The following PIEZO2 variants were observed in gnomAD, a reference collection of about 807,000 sequenced individuals.
PIEZO2 encodes the protein piezo type mechanosensitive ion channel component 2, also known as piezo-type mechanosensitive ion channel component 2.
A neutral mutation model predicts 337.3 loss-of-function variants in PIEZO2; 172 were observed. The ratio of observed to expected loss-of-function variants is 0.51; its 90% CI spans 0.45 to 0.58. PIEZO2 has a LOEUF of 0.58. PIEZO2 is among the 20% of genes least tolerant of loss of function. The pLI is 0.00. For synonymous variants in PIEZO2, 1,251 were observed against 1,228.5 expected (o/e 1.02, Z -0.38); for missense variants, 3,028 against 3,391.3 (o/e 0.89, Z 2.66).
intron 2 of PIEZO2, among the ~76,000 whole-genome samples, chr18:11,034,221 C>A (rs1487948230): frequency 2.0e-5 from 3 of 152,020 alleles, no homozygotes; most frequent in African/African-American, 7.2e-5. Flanking sequence ...ACAGAAGCAA[C>A]GTTATTTTCT....
chr18:11,066,894 C>G (rs145400063), intron 1 of PIEZO2, among the ~76,000 whole-genome samples: 288 of 152,366 alleles, frequency 1.9e-3, no homozygotes, highest in African/African-American at 6.3e-3. Flanking sequence ...GCCACCGCAT[C>G]TGGCCTAGTG....
At chr18:10,918,135 A>G (rs993222794) in intron 3 of PIEZO2, among the ~76,000 whole-genome samples, 1 of 152,154 alleles carries the variant, frequency 6.6e-6, no homozygotes, top group African/African-American at 2.4e-5. Context: ...AAGGAATACA[A>G]TTTTCTCAGC....
intron 7 of PIEZO2, among the ~76,000 whole-genome samples, chr18:10,844,539 A>G (rs1728028): frequency 0.32 from 48,414 of 151,956 alleles, 8,368 homozygotes; most frequent in East Asian, 0.65. Flanking sequence ...CTGTAATGCC[A>G]GCACTTTGGG....
At position 11,094,559 on chromosome 18, in the gene PIEZO2, G is replaced by A. The variant is rs1180076219; in HGVS notation, c.65-28337C>T. Among the ~76,000 whole-genome samples the A allele has an allele frequency of 1.3e-5, 2 of 152,154 alleles. No homozygotes were observed. Among genetic ancestry groups the A allele is most frequent in the South Asian group, 2.1e-4 (1 of 4,830 alleles). On this transcript the variant is annotated intron_variant, in intron 1 of 55. Transcript: ENST00000674853. The surrounding 1 kb of genome is among the most constrained non-coding windows in gnomAD (Gnocchi z 4.4). ...CAAAAGCAGTCGCTAATTAATAAGT[G>A]CAGGCACTCAGAAGCCTCGCTGTCC...
intron 1 of PIEZO2, among the ~76,000 whole-genome samples, chr18:11,108,370 CT>C (rs1454971668): frequency 1.3e-5 from 2 of 152,110 alleles, no homozygotes; most frequent in African/African-American, 4.8e-5. Flanking sequence ...AATCCCAGCA[CT>C]TTGGGAGGCC....
intron 33 of PIEZO2, chr18:10,738,839 C>T (rs1351260538): frequency 1.3e-5 from 2 of 152,186 alleles, no homozygotes; most frequent in African/African-American, 2.4e-5. Context: ...TGGAAGGTAT[C>T]ATTGAACAGC....
At chr18:10,792,657 A>G (rs2039444087) in intron 13 of PIEZO2, among the ~76,000 whole-genome samples, 1 of 152,192 alleles carries the variant, frequency 6.6e-6, no homozygotes, top group African/African-American at 2.4e-5. Flanking sequence ...GCCATGCAAC[A>G]TTTTATCCTT....
chr18:10,857,959 A>C (rs1455152797), intron 5 of PIEZO2, among the ~76,000 whole-genome samples: 1 of 151,008 alleles, frequency 6.6e-6, no homozygotes, highest in Non-Finnish European at 1.5e-5. Flanking sequence ...TAATTAGAAT[A>C]TTTCCCTAGA....
In PIEZO2 at chr18:11,001,582, A is replaced by G. The variant is rs1272975785; in HGVS notation, c.161-21922T>C. Among the ~76,000 whole-genome samples, 1 of 152,110 alleles carries G rather than the reference A, an allele frequency of 6.6e-6. No individual in the cohort carries two copies. Among genetic ancestry groups the G allele is most frequent in the African/African-American group, 2.4e-5 (1 of 41,424 alleles). ...ATCAGAAGTAAGGATTTGCTCTTCT[A>G]AAATCTTTTGTCAAGCAGGGTGTGG... On this transcript the variant is annotated intron_variant, in intron 2 of 55. Transcript: ENST00000674853. This position sits in a 1 kb window ranked among gnomAD's most constrained non-coding sequence, Gnocchi z 5.3.
intron 7 of PIEZO2, among the ~76,000 whole-genome samples, chr18:10,809,244 TTCTC>T (rs1218804166): frequency 8.5e-4 from 102 of 120,128 alleles, no homozygotes; most frequent in Admixed American, 4.5e-3. Context: ...AACCTAAGAT[TTCTC>T]TCTCTCTCTC....
rs1212627889 is a variant in PIEZO2 at position 10,973,107 on chromosome 18, T to A, written c.286+6428A>T. Among the ~76,000 whole-genome samples the A allele has an allele frequency of 6.6e-6, 1 of 152,228 alleles. No individual in the cohort carries two copies. The highest frequency in any genetic ancestry group is 2.4e-5 in the African/African-American group (1 of 41,456). On this transcript the variant is annotated intron_variant, in intron 3 of 55. Transcript: ENST00000674853. This position sits in a 1 kb window ranked among gnomAD's most constrained non-coding sequence, Gnocchi z 4.9. ...AAATATTTGTCAGGATAAAATGAGA[T>A]ATTCTATTTGAAAACTGCTGCATAA...
chr18:10,917,327 T>C, intron 3 of PIEZO2, among the ~76,000 whole-genome samples: 1 of 152,294 alleles, frequency 6.6e-6, no homozygotes, highest in Non-Finnish European at 1.5e-5. Flanking sequence ...CCCTTCAGTC[T>C]TTCTCCTCCC....
intron 1 of PIEZO2, among the ~76,000 whole-genome samples, chr18:11,100,248 C>T (rs192239847): frequency 6.6e-6 from 1 of 152,308 alleles, no homozygotes; most frequent in Admixed American, 6.5e-5. Flanking sequence ...TAAATACATC[C>T]ATTGCCTTGA....
rs945559232 is a variant in PIEZO2, at chr18:11,131,451, G to A, written c.64+17074C>T. 6.6e-6 allele frequency among the ~76,000 whole-genome samples: 1 copy of A among 152,140 alleles called. No individual in the cohort carries two copies. The highest frequency in any genetic ancestry group is 2.4e-5 in the African/African-American group (1 of 41,434). On this transcript the variant is annotated intron_variant, in intron 1 of 55. Coordinates refer to ENST00000674853, the MANE Select transcript of PIEZO2 (RefSeq NM_001378183.1). This position sits in a 1 kb window ranked among gnomAD's most constrained non-coding sequence, Gnocchi z 5.3. The stretch of plus-strand genomic sequence containing the variant: ...CAGAGGCAGAGAAGACTAGGGCCTG[G>A]TTCACAGATAGTTCTGCACGATATG...
At chr18:10,871,466 T>C (rs954629293) in intron 4 of PIEZO2, 51 bp from the exon 5 acceptor site, 20 of 1,486,146 alleles carry the variant, frequency 1.3e-5, no homozygotes, top group Non-Finnish European at 1.7e-5. Flanking sequence ...CTTATATTTC[T>C]ACGGTTAAAC....
At chr18:11,005,533 A>G (rs1356381694) in intron 2 of PIEZO2, among the ~76,000 whole-genome samples, 1 of 152,212 alleles carries the variant, frequency 6.6e-6, no homozygotes, top group South Asian at 2.1e-4. Flanking sequence ...TGGGGGCGTC[A>G]TTACACACCT....
intron 10 of PIEZO2, among the ~76,000 whole-genome samples, chr18:10,800,997 G>C (rs1283798592): frequency 6.6e-6 from 1 of 152,200 alleles, no homozygotes; most frequent in African/African-American, 2.4e-5. Flanking sequence ...ACTGCAGGTT[G>C]CTATGTCCTT....
At chr18:11,144,561 A>T (rs3925017) in intron 1 of PIEZO2, among the ~76,000 whole-genome samples, 56,181 of 152,078 alleles carry the variant, frequency 0.37, 10,543 homozygotes, top group East Asian at 0.46. Context: ...TATAAAGAGA[A>T]AATTATGATT....
chr18:10,933,116 A>G (rs1383520196), intron 3 of PIEZO2, among the ~76,000 whole-genome samples: 1 of 152,164 alleles, frequency 6.6e-6, no homozygotes, highest in Non-Finnish European at 1.5e-5. Context: ...AAGAAAGGGA[A>G]GAATGGCCAA....
Sources: allele counts gnomAD v4.1 joint callset (sites outside exome capture counted in the v4.1 genomes callset), GRCh38; gene constraint gnomAD v4.1.1; non-coding constraint Gnocchi (gnomAD v3.1); transcripts MANE v1.5; gene names NCBI Gene and HGNC (gene_info 2026-07-23, HGNC 2026-07-21).